The following DEFB1 variants were observed in gnomAD, a reference collection of about 807,000 sequenced individuals.
DEFB1 encodes the protein defensin beta 1, also known as beta-defensin 1.
DEFB1 carries 4 observed loss-of-function variants against 2.6 expected under a neutral mutation model. That is an observed-to-expected ratio of 1.53 (90% CI 0.76 to 3.51). The LOEUF (loss-of-function observed/expected upper bound fraction) is 3.51, where lower values mean the gene tolerates loss of function less well. Ranked by LOEUF, DEFB1 falls within the 30% of genes most tolerant of loss-of-function variation. The pLI is 0.01. For missense variants in DEFB1, 162 were observed against 76.9 expected (o/e 2.11, Z -4.14); for synonymous variants, 56 against 28.5 (o/e 1.96, Z -3.07).
intron 1 of DEFB1, among the ~76,000 whole-genome samples, chr8:6,876,197 C>T (rs534420199): frequency 6.6e-6 from 1 of 152,220 alleles, no homozygotes; most frequent in South Asian, 2.1e-4. Flanking sequence ...AAAACATGGG[C>T]TGGGCGTGGT....
At chr8:6,872,454 A>G (rs1017478786) in intron 1 of DEFB1, among the ~76,000 whole-genome samples, 13 of 152,252 alleles carry the variant, frequency 8.5e-5, no homozygotes, top group Middle Eastern at 6.8e-3. Context: ...CTTCATTTCA[A>G]TAGAAGGTAC....
intron 1 of DEFB1, among the ~76,000 whole-genome samples, chr8:6,873,078 G>A (rs566943839): frequency 1.2e-3 from 186 of 152,348 alleles, no homozygotes; most frequent in Non-Finnish European, 2.1e-3. Flanking sequence ...TATATATGCT[G>A]ATTAAGCAGA....
rs142991753 is a variant in DEFB1 at position 6,870,738 on chromosome 8, C to T, written c.150G>A (p.Pro50=). The change falls in exon 2 of 2, where the codon CCG becomes CCA. Residue 50 remains proline, a synonymous_variant. Transcript: ENST00000297439. ...SGGQCLYSAC[P]IFTKIQGTCY... ...AGGTGCCTTGAATTTTGGTAAAGATCGGGCAGGCAGAATAGAGACATTGCC... is the reference window on the plus strand; with the variant it reads ...AGGTGCCTTGAATTTTGGTAAAGATTGGGCAGGCAGAATAGAGACATTGCC... The T allele has an allele frequency of 2.5e-5, 41 of 1,614,062 alleles. No homozygotes were observed. The Middle Eastern group carries it at 4.9e-4, about 19-fold the overall frequency.
chr8:6,871,771 C>T (rs764281114), intron 1 of DEFB1, among the ~76,000 whole-genome samples: 1 of 152,206 alleles, frequency 6.6e-6, no homozygotes, highest in Admixed American at 6.5e-5. Context: ...CATCTACCAG[C>T]CAAGGACAGA....
intron 1 of DEFB1, among the ~76,000 whole-genome samples, chr8:6,872,128 C>G (rs1024625468): frequency 6.6e-6 from 1 of 152,128 alleles, no homozygotes; most frequent in Non-Finnish European, 1.5e-5. Context: ...CCTTCCCAAA[C>G]CTCTTCATTC....
chr8:6,870,880 T>C, intron 1 of DEFB1, 54 bp from the exon 2 acceptor site: 1 of 1,553,100 alleles, frequency 6.4e-7, no homozygotes, highest in African/African-American at 1.4e-5. Flanking sequence ...CTGCAACGAT[T>C]TGAGAACATC....
At chr8:6,870,987 G>A (rs190666630) in intron 1 of DEFB1, among the ~76,000 whole-genome samples, 161 bp from the exon 2 acceptor site, 1 of 152,362 alleles carries the variant, frequency 6.6e-6, no homozygotes, top group East Asian at 1.9e-4. Flanking sequence ...ATGAAATGAG[G>A]TGTCTGAACA....
intron 1 of DEFB1, among the ~76,000 whole-genome samples, chr8:6,874,432 C>T (rs1330979875): frequency 1.3e-5 from 2 of 152,110 alleles, no homozygotes; most frequent in Admixed American, 6.6e-5. Context: ...CAAAGTGATT[C>T]TAAATTTTAT....
intron 1 of DEFB1, among the ~76,000 whole-genome samples, chr8:6,871,078 T>G (rs554803907): frequency 3.3e-5 from 5 of 152,370 alleles, no homozygotes; most frequent in African/African-American, 1.2e-4. Flanking sequence ...TGGGGTTTTC[T>G]TCTGCTGAGA....
chr8:6,876,980 G>A (rs1313749247), intron 1 of DEFB1, among the ~76,000 whole-genome samples: 1 of 152,128 alleles, frequency 6.6e-6, no homozygotes, highest in African/African-American at 2.4e-5. Flanking sequence ...CCTATCTGCT[G>A]GATACAGTGA....
At position 6,870,741 on chromosome 8, in the gene DEFB1, G is replaced by A. The variant is rs1197865310; in HGVS notation, c.147C>T (p.Cys49=). 2 of 1,614,194 alleles carry A rather than the reference G, an allele frequency of 1.2e-6. No homozygotes were observed. Among genetic ancestry groups the A allele is most frequent in the South Asian group, 2.2e-5 (2 of 91,084 alleles). The change falls in exon 2 of 2, where the codon TGC becomes TGT. Residue 49 remains cysteine (C), a synonymous_variant. Transcript: ENST00000297439. ...TGCCTTGAATTTTGGTAAAGATCGG[G>A]CAGGCAGAATAGAGACATTGCCCTC... ...SSGGQCLYSA[C]PIFTKIQGTC...
chr8:6,870,834 G>T lies in DEFB1; in HGVS notation c.62-8C>A. Reference sequence around the variant, plus strand: ...CTGTGAGAAAGTTACCACCTGTAAGGAGGGAACACAAACACTTCAGACTCA... The same window carrying T: ...CTGTGAGAAAGTTACCACCTGTAAGTAGGGAACACAAACACTTCAGACTCA... On this transcript the variant is annotated splice_region_variant and splice_polypyrimidine_tract_variant and intron_variant, in intron 1 of 1. Coordinates refer to ENST00000297439, the MANE Select transcript of DEFB1 (RefSeq NM_005218.4). The T allele has an allele frequency of 1.9e-6, 3 of 1,609,946 alleles. No individual in the cohort carries two copies. The highest frequency in any genetic ancestry group is 2.5e-6 in the Non-Finnish European group (3 of 1,178,356).
chr8:6,873,506 G>A (rs945983529), intron 1 of DEFB1, among the ~76,000 whole-genome samples: 13 of 151,432 alleles, frequency 8.6e-5, no homozygotes, highest in Admixed American at 4.6e-4. Flanking sequence ...AATTTAAAAC[G>A]GAGGAGACTA....
At chr8:6,871,920 C>T (rs535957004) in intron 1 of DEFB1, among the ~76,000 whole-genome samples, 6 of 152,268 alleles carry the variant, frequency 3.9e-5, no homozygotes, top group South Asian at 2.1e-4. Context: ...GTAGCCTGAG[C>T]GGACTAATAC....
chr8:6,870,754 A>G lies in DEFB1; in HGVS notation c.134T>C (p.Leu45Pro). The change falls in exon 2 of 2, where the codon CTC becomes CCC. Residue 45 changes from leucine (L) to proline (P), a missense_variant. By Grantham distance (98) the Leu-to-Pro change is moderately conservative. Coordinates refer to ENST00000297439, the MANE Select transcript of DEFB1 (RefSeq NM_005218.4). Reference protein sequence around the residue: ...YNCVSSGGQCLYSACPIFTKI... With the variant: ...YNCVSSGGQCPYSACPIFTKI... ...GGTAAAGATCGGGCAGGCAGAATAGAGACATTGCCCTCCACTGCTGACGCA... is the reference window on the plus strand; with the variant it reads ...GGTAAAGATCGGGCAGGCAGAATAGGGACATTGCCCTCCACTGCTGACGCA... 8 of 1,614,250 alleles carry G rather than the reference A, an allele frequency of 5.0e-6. No homozygotes were observed. The highest frequency in any genetic ancestry group is 6.8e-6 in the Non-Finnish European group (8 of 1,180,050).
intron 1 of DEFB1, among the ~76,000 whole-genome samples, chr8:6,876,199 G>T (rs5743441): frequency 6.6e-6 from 1 of 152,130 alleles, no homozygotes; most frequent in Non-Finnish European, 1.5e-5. Flanking sequence ...AACATGGGCT[G>T]GGCGTGGTGG....
At chr8:6,877,225 C>G (rs1806565652) in intron 1 of DEFB1, among the ~76,000 whole-genome samples, 1 of 152,232 alleles carries the variant, frequency 6.6e-6, no homozygotes, top group Admixed American at 6.5e-5. Context: ...CTGACATACA[C>G]CTGGCTCACA....
intron 1 of DEFB1, among the ~76,000 whole-genome samples, chr8:6,875,108 A>G (rs979089788): frequency 7.5e-6 from 1 of 132,510 alleles, no homozygotes; most frequent in African/African-American, 2.9e-5. Flanking sequence ...ACACACACAC[A>G]CCCCATTGCC....
intron 1 of DEFB1, among the ~76,000 whole-genome samples, chr8:6,871,794 A>C (rs1806328716): frequency 6.6e-6 from 1 of 152,224 alleles, no homozygotes; most frequent in South Asian, 2.1e-4. Flanking sequence ...CCTGAGAAGA[A>C]GCCAACCCTG....
Sources: gnomAD v4.1 joint callset for allele counts (sites outside exome capture counted in the v4.1 genomes callset) on GRCh38, gnomAD v4.1.1 for gene constraint, MANE v1.5 for transcripts, NCBI Gene and HGNC (gene_info 2026-07-23, HGNC 2026-07-21) for gene names.